CTNNA3: variants seen among roughly 807,000 people sequenced by gnomAD.
CTNNA3 encodes the protein catenin alpha 3.
Under a neutral mutation model 95.7 loss-of-function variants are expected in CTNNA3, and 76 were observed. That is an observed-to-expected ratio of 0.79 (90% CI 0.66 to 0.96). CTNNA3 has a LOEUF of 0.96. Ranked by LOEUF, CTNNA3 falls within the 40% of genes least tolerant of loss-of-function variation. CTNNA3 has a pLI of 0.00. For missense variants in CTNNA3, 1,191 were observed against 1,089.8 expected (o/e 1.09, Z -1.31); for synonymous variants, 431 against 374.4 (o/e 1.15, Z -1.74).
rs1485656843 is a variant in CTNNA3 at position 67,124,801 on chromosome 10, A to G, written c.1047+55516T>C. 2.6e-5 allele frequency among the ~76,000 whole-genome samples: 4 copies of G among 152,230 alleles called. No individual in the cohort carries two copies. The East Asian group carries it at 7.7e-4, about 29-fold the overall frequency. ...TTTTTTTCTTCACATAATGTCACAA[A>G]GTGACATGAACTAATTTGCCAACAT... On this transcript the variant is annotated intron_variant, in intron 7 of 17. Transcript: ENST00000433211.
intron 7 of CTNNA3, among the ~76,000 whole-genome samples, chr10:66,941,535 A>G (rs942252939): frequency 6.6e-6 from 1 of 152,192 alleles, no homozygotes; most frequent in Non-Finnish European, 1.5e-5. Flanking sequence ...TTTGAATCTG[A>G]CAAACAACCT....
intron 4 of CTNNA3, among the ~76,000 whole-genome samples, chr10:67,530,945 T>C (rs563744848): frequency 6.6e-6 from 1 of 152,338 alleles, no homozygotes; most frequent in East Asian, 1.9e-4. Context: ...GGCTGTGGCT[T>C]CAGAACGCAG....
chr10:66,361,225 C>A (rs1478041190), intron 12 of CTNNA3, among the ~76,000 whole-genome samples: 1 of 151,216 alleles, frequency 6.6e-6, no homozygotes, highest in Non-Finnish European at 1.5e-5. Context: ...TGTCTCAGCC[C>A]CCTAAAGTAT....
intron 11 of CTNNA3, among the ~76,000 whole-genome samples, chr10:66,480,766 G>A (rs377286592): frequency 3.9e-5 from 6 of 151,934 alleles, no homozygotes; most frequent in Non-Finnish European, 7.4e-5. Context: ...CACCATGCCC[G>A]GTTAATTTTT....
chr10:66,987,756 A>C (rs1207497215), intron 7 of CTNNA3, among the ~76,000 whole-genome samples: 1 of 152,180 alleles, frequency 6.6e-6, no homozygotes, highest in Non-Finnish European at 1.5e-5. Context: ...GAACTACTTC[A>C]TTTCTGTGAA....
At chr10:66,986,499 T>A (rs139461459) in intron 7 of CTNNA3, among the ~76,000 whole-genome samples, 2 of 54,464 alleles carry the variant, frequency 3.7e-5, no homozygotes, top group Admixed American at 3.2e-4. Flanking sequence ...TCCATCTTGC[T>A]AAACTAAACT....
At chr10:67,201,288 T>A (rs1220438676) in intron 6 of CTNNA3, among the ~76,000 whole-genome samples, 1 of 152,162 alleles carries the variant, frequency 6.6e-6, no homozygotes, top group African/African-American at 2.4e-5. Context: ...TCAGGCTGCT[T>A]AACAAATATA....
intron 7 of CTNNA3, among the ~76,000 whole-genome samples, chr10:66,997,052 T>C (rs569314572): frequency 6.6e-6 from 1 of 152,322 alleles, no homozygotes; most frequent in African/African-American, 2.4e-5. Context: ...ATATTAATAC[T>C]AACAGAGAGT....
At chr10:65,996,687 G>A (rs2078668370) in intron 15 of CTNNA3, among the ~76,000 whole-genome samples, 1 of 152,152 alleles carries the variant, frequency 6.6e-6, no homozygotes, top group Non-Finnish European at 1.5e-5. Context: ...ACTCTCCAGT[G>A]ACTAGGATTG....
At chr10:67,342,158 A>G (rs2132617527) in intron 5 of CTNNA3, among the ~76,000 whole-genome samples, 1 of 134,658 alleles carries the variant, frequency 7.4e-6, no homozygotes, top group South Asian at 2.4e-4. Flanking sequence ...CTGGAGTGCA[A>G]AGGCGCGGTC....
intron 7 of CTNNA3, among the ~76,000 whole-genome samples, chr10:66,919,314 C>T (rs1055298689): frequency 6.6e-6 from 1 of 151,976 alleles, no homozygotes; most frequent in Admixed American, 6.6e-5. Context: ...TTTGCGTATG[C>T]TTTACCTTTC....
At chr10:67,594,977 C>T (rs1053170831) in intron 3 of CTNNA3, among the ~76,000 whole-genome samples, 1 of 152,126 alleles carries the variant, frequency 6.6e-6, no homozygotes, top group Non-Finnish European at 1.5e-5. Context: ...TGAGAACACA[C>T]AATGCTTGGT....
intron 11 of CTNNA3, among the ~76,000 whole-genome samples, chr10:66,450,638 C>A (rs772356462): frequency 1.3e-5 from 2 of 152,174 alleles, no homozygotes; most frequent in South Asian, 4.1e-4. Context: ...AAAGAAAAAT[C>A]TTGCTCCATT....
intron 7 of CTNNA3, among the ~76,000 whole-genome samples, chr10:66,828,630 G>A (rs1234146715): frequency 1.3e-5 from 2 of 152,170 alleles, no homozygotes. Flanking sequence ...AGCTTCTTCT[G>A]AGGACAGCAA....
chr10:67,538,612 GAAAAA>G (rs1410232830), intron 4 of CTNNA3, among the ~76,000 whole-genome samples: 7 of 151,042 alleles, frequency 4.6e-5, no homozygotes, highest in Non-Finnish European at 1.0e-4. Flanking sequence ...AGAAAGAAAA[GAAAAA>G]GAAAGATGCA....
chr10:66,868,719 C>T (rs1228924548), intron 7 of CTNNA3, among the ~76,000 whole-genome samples: 1 of 149,372 alleles, frequency 6.7e-6, no homozygotes, highest in Non-Finnish European at 1.5e-5. Context: ...CCATTGCACT[C>T]CAGCTTGGGC....
At chr10:66,184,780 T>C (rs1459855956) in intron 13 of CTNNA3, among the ~76,000 whole-genome samples, 2 of 152,220 alleles carry the variant, frequency 1.3e-5, no homozygotes, top group Admixed American at 6.5e-5. Flanking sequence ...CTCTTATCAT[T>C]ATGTATTGAC....
At chr10:66,009,843 A>C (rs2078970915) in intron 15 of CTNNA3, among the ~76,000 whole-genome samples, 1 of 152,240 alleles carries the variant, frequency 6.6e-6, no homozygotes, top group Admixed American at 6.5e-5. Context: ...CTGGAGACAC[A>C]ACAGTAGAGA....
intron 10 of CTNNA3, among the ~76,000 whole-genome samples, chr10:66,526,643 C>A (rs550441835): frequency 6.6e-6 from 1 of 152,122 alleles, no homozygotes; most frequent in Non-Finnish European, 1.5e-5. Flanking sequence ...TCCCAACCAT[C>A]CTAATGGGTG....
Sources: gnomAD v4.1 joint callset for allele counts (sites outside exome capture counted in the v4.1 genomes callset) on GRCh38, gnomAD v4.1.1 for gene constraint, MANE v1.5 for transcripts, NCBI Gene and HGNC (gene_info 2026-07-23, HGNC 2026-07-21) for gene names.